Variants in UCP2 observed in about 807,000 individuals in gnomAD.
UCP2 encodes the protein uncoupling protein 2.
UCP2 carries 27 observed loss-of-function variants against 31.3 expected under a neutral mutation model. The observed-to-expected ratio is 0.86, with a 90% CI of 0.64 to 1.19. The LOEUF is 1.19. UCP2 is among the 50% of genes most tolerant of loss of function. UCP2 has a pLI of 0.00. For missense variants in UCP2, 377 were observed against 413.5 expected, an observed-to-expected ratio of 0.91 and a Z score of 0.76; for synonymous variants, 142 against 157.4, an observed-to-expected ratio of 0.90 and a Z score of 0.73.
At chr11:73,975,750 C>T (rs1452039522) in intron 6 of UCP2, 79 bp from the exon 7 acceptor site, 47 of 1,549,294 alleles carry the variant, frequency 3.0e-5, no homozygotes, top group Admixed American at 1.2e-4. Context: ...TAAGTAGCTA[C>T]GAGTTTTCAT....
rs138924863 is a variant in UCP2, at chr11:73,977,807, C to A, written c.337+79G>T. On this transcript the variant is annotated intron_variant, in intron 4 of 7. Transcript: ENST00000663595. Reference sequence around the variant, plus strand: ...CCTAGGGATCGTGGGGCCTAAAAAACTATATGGCTGAATGAACTAAGATCA... The same window carrying A: ...CCTAGGGATCGTGGGGCCTAAAAAAATATATGGCTGAATGAACTAAGATCA... 61 of 1,594,960 alleles carry A rather than the reference C, an allele frequency of 3.8e-5. 1 individual carries two copies. Among genetic ancestry groups the A allele is most frequent in the Middle Eastern group, 1.7e-4 (1 of 6,000 alleles).
intron 1 of UCP2, among the ~76,000 whole-genome samples, chr11:73,982,099 C>T (rs1951466437): frequency 6.6e-6 from 1 of 152,190 alleles, no homozygotes; most frequent in Non-Finnish European, 1.5e-5. Context: ...GGAACACTGC[C>T]TGGAGCTGCC....
At chr11:73,982,573 T>TCAAA (rs763286129) in intron 1 of UCP2, 148 bp downstream of exon 1, 1 of 152,434 alleles carries the variant, frequency 6.6e-6, no homozygotes, top group South Asian at 2.1e-4. Context: ...AAAGCCTGTC[T>TCAAA]CAAACAAACA....
Position 73,974,831 on chromosome 11 carries a change from C to T in UCP2, c.*176G>A. 1 of 390,268 alleles carries T rather than the reference C, an allele frequency of 2.6e-6. No individual in the cohort carries two copies. The highest frequency in any genetic ancestry group is 4.5e-4 in the Middle Eastern group (1 of 2,202). The allele number at this position is 390,268 out of a possible 1,614,324, so 24.2% of individuals were successfully genotyped here. A position where few individuals can be genotyped will look rare whatever the true frequency, so the allele number is the denominator to read the frequency against. On this transcript the variant is annotated 3_prime_UTR_variant, in exon 8 of 8. Coordinates refer to ENST00000663595, the MANE Select transcript of UCP2 (RefSeq NM_003355.3). The stretch of plus-strand genomic sequence containing the variant: ...AATGTCAACTCCACCAGCACTGAGA[C>T]AATGAGTAGATGAGAATGTAGAAAG...
intron 4 of UCP2, 42 bp downstream of exon 4, chr11:73,977,844 G>GA: frequency 1.2e-6 from 2 of 1,612,700 alleles, no homozygotes; most frequent in Non-Finnish European, 1.7e-6. Context: ...TCATCACTGA[G>GA]AAAAAAGGGC....
chr11:73,981,159 A>G (rs1951448022), intron 2 of UCP2: 1 of 152,256 alleles, frequency 6.6e-6, no homozygotes, highest in South Asian at 2.1e-4. Context: ...GCTAGCATCA[A>G]TATGAAGTTA....
rs1266672202 is a variant in UCP2, at chr11:73,977,027, AGCCAT to A, written c.338-15_338-11del. 6.3e-7 allele frequency: 1 copy of A among 1,594,868 alleles called. No homozygotes were observed. The highest frequency in any genetic ancestry group is 8.6e-7 in the Non-Finnish European group (1 of 1,167,920). On this transcript the variant is annotated splice_polypyrimidine_tract_variant and intron_variant, in intron 4 of 7. Coordinates refer to ENST00000663595, the MANE Select transcript of UCP2 (RefSeq NM_003355.3). The stretch of plus-strand genomic sequence containing the variant: ...CTCCCAATGCTGGCATCTGTGGGCG[AGCCAT>A]GGGGTCAGTGGCCAGCGGGCTTGCA...
intron 2 of UCP2, chr11:73,978,903 C>T (rs905209520): frequency 4.8e-6 from 1 of 209,628 alleles, no homozygotes; most frequent in African/African-American, 2.3e-5. Flanking sequence ...GGCTTATGTT[C>T]TGGATGTCTA....
In UCP2 at chr11:73,976,916, G is replaced by A. The variant is rs1166338256; in HGVS notation, c.439C>T (p.Gln147Ter). 2 of 1,613,860 alleles carry A rather than the reference G, an allele frequency of 1.2e-6. No individual in the cohort carries two copies. Among genetic ancestry groups the A allele is most frequent in the Non-Finnish European group, 8.5e-7 (1 of 1,179,856 alleles). Residue 147 changes from glutamine (Q) to a stop codon, truncating the protein, a stop_gained, in exon 5 of 8, where the codon CAG (glutamine) becomes TAG (stop). Coordinates refer to ENST00000663595, the MANE Select transcript of UCP2 (RefSeq NM_003355.3). LOFTEE classifies it high-confidence loss of function. ...CTCCGACCACCTCCAGCCCGGGCCT[G>A]AGCTTGGAATCGGACCTTTACCACA... The part of the protein sequence containing the change: ...TDVVKVRFQA[Q>*]ARAGGGRRYQ...
intron 7 of UCP2, 24 bp downstream of exon 7, chr11:73,975,467 G>C: frequency 6.2e-7 from 1 of 1,601,804 alleles, no homozygotes; most frequent in Non-Finnish European, 8.5e-7. Flanking sequence ...GGCCTGAACT[G>C]GGTGGGGAGG....
chr11:73,977,760 A>G, intron 4 of UCP2, 126 bp downstream of exon 4: 1 of 1,301,274 alleles, frequency 7.7e-7, no homozygotes, highest in Middle Eastern at 2.2e-4. Context: ...GGCCCCTTCC[A>G]GTTCTCTGTT....
chr11:73,975,161 CTCCCACT>C (rs1565182923), intron 7 of UCP2, 40 bp from the exon 8 acceptor site: 1 of 1,538,002 alleles, frequency 6.5e-7, no homozygotes, highest in Non-Finnish European at 8.9e-7. Context: ...GCACCTCCAC[CTCCCACT>C]TCCCTCACTG....
chr11:73,974,991 C>T lies in UCP2; in HGVS notation c.*16G>A. On this transcript the variant is annotated 3_prime_UTR_variant, in exon 8 of 8. Coordinates refer to ENST00000663595, the MANE Select transcript of UCP2 (RefSeq NM_003355.3). ...GAGACAAAGCCAGAGGTGATCAGGT[C>T]AGCAGCAGGAGAGGCTCAGAAGGGA... is the stretch of plus-strand genomic sequence containing the variant. 6.6e-7 allele frequency: 1 copy of T among 1,525,012 alleles called. No homozygotes were observed. The highest frequency in any genetic ancestry group is 8.9e-7 in the Non-Finnish European group (1 of 1,128,488). The allele number at this position is 1,525,012 out of a possible 1,614,324, so 94.5% of individuals were successfully genotyped here.
chr11:73,976,185 T>A (rs1325324833), intron 6 of UCP2, among the ~76,000 whole-genome samples: 1 of 152,012 alleles, frequency 6.6e-6, no homozygotes, highest in Non-Finnish European at 1.5e-5. Flanking sequence ...GCTAACATGG[T>A]GAAACTCCAT....
Position 73,977,042 on chromosome 11 carries a change from G to A in UCP2, c.338-25C>T, listed in dbSNP as rs45541040. 2.6e-3 allele frequency: 4,089 copies of A among 1,585,048 alleles called. 103 individuals carry two copies. The African/African-American group carries it at 0.05, about 19-fold the overall frequency. ...TCTGTGGGCGAGCCATGGGGTCAGT[G>A]GCCAGCGGGCTTGCACTCATTTTCT... On this transcript the variant is annotated intron_variant, in intron 4 of 7. Transcript: ENST00000663595.
In UCP2 at chr11:73,976,918, G is replaced by C. The variant is rs940588629; in HGVS notation, c.437C>G (p.Ala146Gly). The C allele has an allele frequency of 6.2e-7, 1 of 1,613,830 alleles. No homozygotes were observed. Among genetic ancestry groups the C allele is most frequent in the African/African-American group, 1.3e-5 (1 of 74,942 alleles). The change falls in exon 5 of 8, where the codon GCT becomes GGT. Residue 146 changes from alanine to glycine, a missense_variant. By Grantham distance (60) the Ala-to-Gly change is moderately conservative. Coordinates refer to ENST00000663595, the MANE Select transcript of UCP2 (RefSeq NM_003355.3). ...CCGACCACCTCCAGCCCGGGCCTGA[G>C]CTTGGAATCGGACCTTTACCACATC... ...PTDVVKVRFQ[A>G]QARAGGGRRY...
At chr11:73,976,780 T>C in intron 5 of UCP2, 38 bp from the exon 6 acceptor site, 2 of 1,611,372 alleles carry the variant, frequency 1.2e-6, no homozygotes, top group Non-Finnish European at 1.7e-6. Context: ...GACCAGAGTA[T>C]CGGGGAGGAG....
In UCP2 at chr11:73,975,583, T is replaced by C. The variant is rs1477351011; in HGVS notation, c.723A>G (p.Arg241=). Residue 241 remains arginine, a synonymous_variant, in exon 7 of 8, where the codon AGA becomes AGG. Transcript: ENST00000663595. ...IASPVDVVKT[R]YMNSALGQYS... is the part of the protein sequence containing the mutation. Reference sequence around the variant, plus strand: ...ACTGGCCCAGGGCAGAGTTCATGTATCTCGTCTTGACCACGTCTACAGGGG... The same window carrying C: ...ACTGGCCCAGGGCAGAGTTCATGTACCTCGTCTTGACCACGTCTACAGGGG... The C allele has an allele frequency of 1.9e-6, 3 of 1,614,160 alleles. No homozygotes were observed. Among genetic ancestry groups the C allele is most frequent in the South Asian group, 2.2e-5 (2 of 91,072 alleles).
chr11:73,981,764 G>A (rs1034984862), intron 1 of UCP2, 132 bp from the exon 2 acceptor site: 1 of 152,306 alleles, frequency 6.6e-6, no homozygotes, highest in Non-Finnish European at 1.5e-5. Context: ...CACTGGAAAG[G>A]GGAAAAGCAG....
Sources: allele counts gnomAD v4.1 joint callset (sites outside exome capture counted in the v4.1 genomes callset), GRCh38; gene constraint gnomAD v4.1.1; transcripts MANE v1.5; gene names NCBI Gene and HGNC (gene_info 2026-07-23, HGNC 2026-07-21).